CRLF3: variants seen among roughly 807,000 people sequenced by gnomAD.
The protein encoded by CRLF3 is cytokine receptor like factor 3, also known as cytokine receptor-like factor 3.
Under a neutral mutation model 55.0 loss-of-function variants are expected in CRLF3, and 33 were observed. The observed-to-expected ratio is 0.60, with a 90% CI of 0.46 to 0.80. CRLF3 has a LOEUF of 0.80. Ranked by LOEUF, CRLF3 falls within the 30% of genes least tolerant of loss-of-function variation. The pLI is 0.00. For missense variants in CRLF3, 494 were observed against 538.4 expected (o/e 0.92, Z 0.82); for synonymous variants, 238 against 196.8 (o/e 1.21, Z -1.75).
At chr17:30,798,037 T>TA (rs1185512076) in intron 2 of CRLF3, among the ~76,000 whole-genome samples, 2 of 150,982 alleles carry the variant, frequency 1.3e-5, no homozygotes, top group Non-Finnish European at 2.9e-5. Context: ...TATGTTTTCC[T>TA]AAAAGAGTAT....
chr17:30,790,243 A>G (rs1477379211), intron 6 of CRLF3, among the ~76,000 whole-genome samples: 1 of 152,098 alleles, frequency 6.6e-6, no homozygotes, highest in Non-Finnish European at 1.5e-5. Context: ...TCACAATAAA[A>G]TCCCATCTCA....
At chr17:30,794,751 G>C (rs1971881994) in intron 4 of CRLF3, among the ~76,000 whole-genome samples, 1 of 152,042 alleles carries the variant, frequency 6.6e-6, no homozygotes. Context: ...ACATGATTGT[G>C]CCACTGTACT....
In CRLF3 at chr17:30,792,502, T is replaced by C; in HGVS notation, c.897A>G (p.Glu299=). ...CTCTGGAGTAGAGAACACCCGATGA[T>C]TCAGAATCGTTCCGAAGTGCTATAT... The part of the protein sequence containing the change: ...RRNIALRNDS[E]SSGVLYSRAP... Residue 299 remains glutamate, a synonymous_variant, in exon 6 of 8, where the codon GAA becomes GAG. Coordinates refer to ENST00000324238, the MANE Select transcript of CRLF3 (RefSeq NM_015986.4). 1 of 1,613,170 alleles carries C rather than the reference T, an allele frequency of 6.2e-7. No homozygotes were observed. The highest frequency in any genetic ancestry group is 8.5e-7 in the Non-Finnish European group (1 of 1,179,138).
intron 1 of CRLF3, among the ~76,000 whole-genome samples, chr17:30,819,963 T>C (rs1354365731): frequency 2.0e-5 from 3 of 152,184 alleles, no homozygotes; most frequent in Non-Finnish European, 4.4e-5. Context: ...TAAATATTTA[T>C]TGAGTGAATG....
chr17:30,809,754 G>T (rs1367111423), intron 1 of CRLF3: 1 of 152,094 alleles, frequency 6.6e-6, no homozygotes, highest in Admixed American at 6.6e-5. Context: ...GGGCTCAGGT[G>T]ATTCTCCCAC....
At chr17:30,803,693 T>C in intron 2 of CRLF3, 1 of 564,506 alleles carries the variant, frequency 1.8e-6, no homozygotes, top group East Asian at 3.0e-5. Flanking sequence ...GGGAAACCCC[T>C]TTCGCTTGGC....
intron 2 of CRLF3, among the ~76,000 whole-genome samples, chr17:30,799,872 G>A (rs1376991660): frequency 6.6e-6 from 1 of 152,130 alleles, no homozygotes; most frequent in Admixed American, 6.6e-5. Context: ...CTCCTGGCCC[G>A]TGGTGCACTG....
intron 1 of CRLF3, among the ~76,000 whole-genome samples, chr17:30,821,930 G>A (rs916278878): frequency 6.6e-6 from 1 of 151,752 alleles, no homozygotes; most frequent in East Asian, 1.9e-4. Flanking sequence ...AATAAAAAAA[G>A]TCACATGCCA....
rs376848833 is a variant in CRLF3, at chr17:30,788,080, G to A, written c.960-2049C>T. Among the ~76,000 whole-genome samples, 46 of 152,196 alleles carry A rather than the reference G, an allele frequency of 3.0e-4. No individual in the cohort carries two copies. The East Asian group carries it at 5.6e-3, about 19-fold the overall frequency. On this transcript the variant is annotated intron_variant, in intron 6 of 7. Coordinates refer to ENST00000324238, the MANE Select transcript of CRLF3 (RefSeq NM_015986.4). Reference sequence around the variant, plus strand: ...GCAGTGGCTCACGCCTGTAATCCCAGCACTTTGGGAGGCCGAGGTGGGCGG... The same window carrying A: ...GCAGTGGCTCACGCCTGTAATCCCAACACTTTGGGAGGCCGAGGTGGGCGG...
intron 5 of CRLF3, among the ~76,000 whole-genome samples, chr17:30,793,153 T>C (rs190308398): frequency 6.6e-6 from 1 of 151,602 alleles, no homozygotes; most frequent in East Asian, 2.0e-4. Flanking sequence ...ACTAACTAAA[T>C]AACATTCAAA....
Position 30,784,115 on chromosome 17 carries a change from A to C in CRLF3, c.*72T>G. On this transcript the variant is annotated 3_prime_UTR_variant, in exon 8 of 8. Transcript: ENST00000324238. ...GAGATGAATTCAACTTTTTTTTTAAAGCAATTACAACTACGCTGGGCTGAG... is the reference window on the plus strand; with the variant it reads ...GAGATGAATTCAACTTTTTTTTTAACGCAATTACAACTACGCTGGGCTGAG... 7.3e-7 allele frequency: 1 copy of C among 1,361,994 alleles called. No homozygotes were observed. Among genetic ancestry groups the C allele is most frequent in the South Asian group, 1.4e-5 (1 of 69,852 alleles). The allele number at this position is 1,361,994 out of a possible 1,614,324, so 84.4% of individuals were successfully genotyped here.
intron 2 of CRLF3, among the ~76,000 whole-genome samples, chr17:30,800,564 A>G (rs1448776545): frequency 6.6e-6 from 1 of 152,106 alleles, no homozygotes; most frequent in Admixed American, 6.5e-5. Context: ...TCATCTACAG[A>G]TAACAGTCAC....
At chr17:30,786,562 A>G (rs1188464464) in intron 6 of CRLF3, 1 of 152,016 alleles carries the variant, frequency 6.6e-6, no homozygotes, top group Non-Finnish European at 1.5e-5. Context: ...TAACATACCC[A>G]TTTTATAAGT....
rs767243254 is a variant in CRLF3 at position 30,792,573 on chromosome 17, C to CT, written c.827-2dup. 6.3e-7 allele frequency: 1 copy of CT among 1,590,836 alleles called. No homozygotes were observed. Among genetic ancestry groups the CT allele is most frequent in the African/African-American group, 1.3e-5 (1 of 74,602 alleles). ...TACCCCTCAAAACCAGCTGTCCACT[C>CT]TTTTTCAAAGCAAAGATATTGAAAA... On this transcript the variant is annotated splice_acceptor_variant, in intron 5 of 7. Transcript: ENST00000324238. LOFTEE classifies it high-confidence loss of function.
Position 30,801,902 on chromosome 17 carries a change from ACTTCTGCTTGGAATCATG to A in CRLF3, c.337+1981_337+1998del, listed in dbSNP as rs1253526038. On this transcript the variant is annotated intron_variant, in intron 2 of 7. Transcript: ENST00000324238. Reference sequence around the variant, plus strand: ...CATTCACTCCACTTATGATAATGTTACTTCTGCTTGGAATCATGCTGTTACCTCCTCTTTTTCCTATGT... The same window carrying A: ...CATTCACTCCACTTATGATAATGTTACTGTTACCTCCTCTTTTTCCTATGT... Among the ~76,000 whole-genome samples, 3 of 151,542 alleles carry A rather than the reference ACTTCTGCTTGGAATCATG, an allele frequency of 2.0e-5. No individual in the cohort carries two copies. The Admixed American group carries it at 2.0e-4, about 10-fold the overall frequency.
At chr17:30,786,219 TAC>T (rs574853314) in intron 6 of CRLF3, 188 bp from the exon 7 acceptor site, 152 of 476,586 alleles carry the variant, frequency 3.2e-4, no homozygotes, top group Non-Finnish European at 4.9e-4. Flanking sequence ...CTATCATTCT[TAC>T]AACAATCTAT....
chr17:30,786,080 G>T (rs1364284283), intron 6 of CRLF3, 49 bp from the exon 7 acceptor site: 2 of 1,014,968 alleles, frequency 2.0e-6, no homozygotes, highest in South Asian at 1.3e-5. Context: ...AATATAACAT[G>T]AATGATACTT....
chr17:30,799,753 C>A (rs565608343), intron 2 of CRLF3, among the ~76,000 whole-genome samples: 1 of 152,132 alleles, frequency 6.6e-6, no homozygotes, highest in Admixed American at 6.6e-5. Flanking sequence ...GATCCGCCCC[C>A]CTCGGCCTCC....
chr17:30,791,282 G>A (rs1971794391), intron 6 of CRLF3, among the ~76,000 whole-genome samples: 1 of 151,666 alleles, frequency 6.6e-6, no homozygotes, highest in African/African-American at 2.4e-5. Flanking sequence ...TGTTGGCCAG[G>A]GTGGTGTCTT....
Sources: gnomAD v4.1 joint callset for allele counts (sites outside exome capture counted in the v4.1 genomes callset) on GRCh38, gnomAD v4.1.1 for gene constraint, MANE v1.5 for transcripts, NCBI Gene and HGNC (gene_info 2026-07-23, HGNC 2026-07-21) for gene names.